Variants in GFPT1 observed in about 807,000 individuals in gnomAD.
GFPT1 encodes the protein glutamine--fructose-6-phosphate aminotransferase [isomerizing] 1.
A neutral mutation model predicts 92.0 loss-of-function variants in GFPT1; 40 were observed. The ratio of observed to expected loss-of-function variants is 0.43; its 90% CI spans 0.34 to 0.57. The LOEUF is 0.57. GFPT1 is among the 20% of genes least tolerant of loss of function. The pLI, the probability that GFPT1 is intolerant of heterozygous loss-of-function variation, is 0.02. For missense variants in GFPT1, 448 were observed against 869.1 expected, an observed-to-expected ratio of 0.52 and a Z score of 6.09; for synonymous variants, 269 against 280.6, an observed-to-expected ratio of 0.96 and a Z score of 0.41.
chr2:69,333,675 AT>A (rs1670725831), intron 15 of GFPT1, among the ~76,000 whole-genome samples: 1 of 152,234 alleles, frequency 6.6e-6, no homozygotes, highest in Non-Finnish European at 1.5e-5. Context: ...ACATATAAAA[AT>A]TGCTGAACCT....
chr2:69,358,605 C>T (rs1671398756), intron 5 of GFPT1, 142 bp from the exon 6 acceptor site: 3 of 670,610 alleles, frequency 4.5e-6, no homozygotes, highest in African/African-American at 1.8e-5. Flanking sequence ...ATTAAAGTCA[C>T]CAGCTGATCA....
At chr2:69,337,380 A>G (rs1484578136) in intron 15 of GFPT1, among the ~76,000 whole-genome samples, 2 of 152,082 alleles carry the variant, frequency 1.3e-5, no homozygotes, top group Non-Finnish European at 2.9e-5. Flanking sequence ...CAAATTTTAT[A>G]CCAAAGGTGT....
At chr2:69,385,846 A>C (rs145157540) in intron 1 of GFPT1, among the ~76,000 whole-genome samples, 1 of 151,982 alleles carries the variant, frequency 6.6e-6, no homozygotes, top group African/African-American at 2.4e-5. Context: ...TTTTTTTTTA[A>C]TCTACTCTAA....
chr2:69,386,874 G>A (rs1672141204), intron 1 of GFPT1, among the ~76,000 whole-genome samples, 191 bp downstream of exon 1: 1 of 152,108 alleles, frequency 6.6e-6, no homozygotes, highest in African/African-American at 2.4e-5. Context: ...CTTTCTCCCG[G>A]CCGCCACCCC....
chr2:69,370,361 T>C (rs1671716534), intron 2 of GFPT1, among the ~76,000 whole-genome samples: 2 of 152,088 alleles, frequency 1.3e-5, no homozygotes, highest in South Asian at 4.1e-4. Flanking sequence ...AAAAAATAAT[T>C]CAGCGTGATT....
chr2:69,341,556 A>G (rs1038894033), intron 13 of GFPT1, among the ~76,000 whole-genome samples: 1 of 152,176 alleles, frequency 6.6e-6, no homozygotes, highest in Non-Finnish European at 1.5e-5. Context: ...AGCAACACAT[A>G]AACTGTCTCT....
At chr2:69,332,435 C>T (rs566179063) in intron 15 of GFPT1, among the ~76,000 whole-genome samples, 1 of 151,742 alleles carries the variant, frequency 6.6e-6, no homozygotes, top group South Asian at 2.1e-4. Flanking sequence ...GCTTCAGCCA[C>T]CCCAAGTAGC....
chr2:69,356,095 C>T (rs1356177567), intron 7 of GFPT1, among the ~76,000 whole-genome samples: 5 of 144,062 alleles, frequency 3.5e-5, no homozygotes, highest in African/African-American at 7.8e-5. Context: ...TGGGTTCAAG[C>T]GGTTCTCCTT....
chr2:69,328,326 CTCATGATGA>C lies in GFPT1; in HGVS notation c.1829_1837del (p.Ile610_Met612del). The C allele has an allele frequency of 6.2e-7, 1 of 1,613,280 alleles. No homozygotes were observed. Among genetic ancestry groups the C allele is most frequent in the Non-Finnish European group, 8.5e-7 (1 of 1,179,254 alleles). ...CTGACACTTGGCATAAGTGTGATCT[CTCATGATGA>C]TCATGATCACAGGCATCAATTTATC... is the stretch of plus-strand genomic sequence containing the variant. On this transcript the variant is annotated inframe_deletion, in exon 18 of 20. Transcript: ENST00000357308.
At chr2:69,380,166 C>T (rs1392635782) in intron 1 of GFPT1, among the ~76,000 whole-genome samples, 6 of 151,870 alleles carry the variant, frequency 4.0e-5, no homozygotes, top group African/African-American at 7.3e-5. Flanking sequence ...GGTGAAACCC[C>T]GTCTCCATTA....
chr2:69,378,926 T>C (rs1017741568), intron 1 of GFPT1, among the ~76,000 whole-genome samples: 1 of 152,068 alleles, frequency 6.6e-6, no homozygotes, highest in Non-Finnish European at 1.5e-5. Context: ...ATAATGCTAG[T>C]CACAAATTAA....
chr2:69,385,739 T>C (rs1672114629), intron 1 of GFPT1, among the ~76,000 whole-genome samples: 1 of 152,138 alleles, frequency 6.6e-6, no homozygotes, highest in Non-Finnish European at 1.5e-5. Flanking sequence ...TGCAAAACCA[T>C]TCTACTAAGT....
At chr2:69,342,352 T>C in intron 12 of GFPT1, 103 bp from the exon 13 acceptor site, 1 of 761,568 alleles carries the variant, frequency 1.3e-6, no homozygotes, top group South Asian at 1.4e-5. Flanking sequence ...AGAATACTGC[T>C]GTTTTAAAGA....
Position 69,326,094 on chromosome 2 carries a change from C to A in GFPT1, c.*95G>T. Reference sequence around the variant, plus strand: ...TAAATAAGGATTTACTAAAAAAAGGCTTCAAGGGGTGATATTTTAAATCAA... The same window carrying A: ...TAAATAAGGATTTACTAAAAAAAGGATTCAAGGGGTGATATTTTAAATCAA... On this transcript the variant is annotated 3_prime_UTR_variant, in exon 20 of 20. Coordinates refer to ENST00000357308, the MANE Select transcript of GFPT1 (RefSeq NM_001244710.2). 2 of 763,192 alleles carry A rather than the reference C, an allele frequency of 2.6e-6. No homozygotes were observed. The highest frequency in any genetic ancestry group is 4.5e-6 in the Non-Finnish European group (2 of 442,240). The allele number at this position is 763,192 out of a possible 1,614,324, so 47.3% of individuals were successfully genotyped here.
intron 12 of GFPT1, among the ~76,000 whole-genome samples, chr2:69,345,147 T>C (rs1039333525): frequency 6.6e-6 from 1 of 152,084 alleles, no homozygotes; most frequent in African/African-American, 2.4e-5. Context: ...TCCCAGCTAC[T>C]TGGGAGGCTG....
In GFPT1 at chr2:69,328,220, CG is replaced by C. The variant is rs1271417859; in HGVS notation, c.1893+50del. 4 of 1,380,476 alleles carry C rather than the reference CG, an allele frequency of 2.9e-6. No homozygotes were observed. In the East Asian group the frequency reaches 6.8e-5, roughly 24 times the overall value. The allele number at this position is 1,380,476 out of a possible 1,614,324, so 85.5% of individuals were successfully genotyped here. On this transcript the variant is annotated intron_variant, in intron 18 of 19. Coordinates refer to ENST00000357308, the MANE Select transcript of GFPT1 (RefSeq NM_001244710.2). ...TTTGTAAGTCATTCAAATAAGCTAG[CG>C]TAACTCCCCTCTTTGATCCCCAAGG... is the stretch of plus-strand genomic sequence containing the variant.
At chr2:69,363,501 T>A in intron 4 of GFPT1, 44 bp downstream of exon 4, 1 of 1,583,796 alleles carries the variant, frequency 6.3e-7, no homozygotes. Context: ...CCCCCATTAT[T>A]AGGTTTCCAC....
At chr2:69,381,777 C>G (rs1574092631) in intron 1 of GFPT1, among the ~76,000 whole-genome samples, 1 of 151,268 alleles carries the variant, frequency 6.6e-6, no homozygotes, top group East Asian at 1.9e-4. Context: ...TGATCTTGAA[C>G]TCCTAGCGTC....
intron 7 of GFPT1, among the ~76,000 whole-genome samples, chr2:69,354,941 T>C (rs55836650): frequency 2.0e-5 from 3 of 152,052 alleles, no homozygotes; most frequent in East Asian, 1.9e-4. Context: ...GAGGTGAAGG[T>C]TGGAGTGAGC....
Sources: gnomAD v4.1 joint callset for allele counts (sites outside exome capture counted in the v4.1 genomes callset) on GRCh38, gnomAD v4.1.1 for gene constraint, MANE v1.5 for transcripts, NCBI Gene and HGNC (gene_info 2026-07-23, HGNC 2026-07-21) for gene names.